The following KCNB2 variants were observed in gnomAD, a reference collection of about 807,000 sequenced individuals.
The protein encoded by KCNB2 is delayed rectifier potassium channel protein.
KCNB2 carries 15 observed loss-of-function variants against 61.5 expected under a neutral mutation model. The ratio of observed to expected loss-of-function variants is 0.24; its 90% CI spans 0.16 to 0.38. The LOEUF is 0.38. KCNB2 is among the 10% of genes least tolerant of loss of function. KCNB2 has a pLI of 1.00. For missense variants in KCNB2, 828 were observed against 1,125.2 expected, an observed-to-expected ratio of 0.74 and a Z score of 3.78; for synonymous variants, 457 against 446.0, an observed-to-expected ratio of 1.02 and a Z score of -0.31.
At chr8:72,648,188 C>CTTTATAGGAGAGAATATAGTGACA (rs1806161021) in intron 2 of KCNB2, among the ~76,000 whole-genome samples, 1 of 152,100 alleles carries the variant, frequency 6.6e-6, no homozygotes, top group African/African-American at 2.4e-5. Context: ...GATGTTATGT[C>CTTTATAGGAGAGAATATAGTGACA]TTTATAGGAG....
chr8:72,936,847 G>A lies in KCNB2; in HGVS notation c.1492G>A (p.Ala498Thr), dbSNP rs1468853200. 1.2e-6 allele frequency: 2 copies of A among 1,614,086 alleles called. No homozygotes were observed. Among genetic ancestry groups the A allele is most frequent in the Non-Finnish European group, 1.7e-6 (2 of 1,180,024 alleles). Residue 498 changes from alanine (A) to threonine (T), a missense_variant, in exon 3 of 3, where the codon GCT becomes ACT. By Grantham distance (58) the Ala-to-Thr change is moderately conservative. Coordinates refer to ENST00000523207, the MANE Select transcript of KCNB2 (RefSeq NM_004770.3). The surrounding 1 kb of genome is among the most constrained non-coding windows in gnomAD (Gnocchi z 5.6). ...AAGCCGGTGGAAGTGGGCCAGGAAGGCTCTGTCGGAAACAAGCTCCAACAA... is the reference window on the plus strand; with the variant it reads ...AAGCCGGTGGAAGTGGGCCAGGAAGACTCTGTCGGAAACAAGCTCCAACAA... ...SPSRWKWARK[A>T]LSETSSNKSF...
chr8:72,583,965 AC>A (rs747891260), intron 2 of KCNB2, among the ~76,000 whole-genome samples: 83 of 147,450 alleles, frequency 5.6e-4, no homozygotes, highest in African/African-American at 1.7e-3. Context: ...AAAAAAAAAA[AC>A]AAACAAAACC....
chr8:72,551,115 A>G (rs1422728650), intron 1 of KCNB2, among the ~76,000 whole-genome samples: 1 of 152,214 alleles, frequency 6.6e-6, no homozygotes, highest in African/African-American at 2.4e-5. Flanking sequence ...TTCTTACGCC[A>G]TCACCAAAGC....
chr8:72,666,039 T>A (rs554807189), intron 2 of KCNB2, among the ~76,000 whole-genome samples: 1 of 152,390 alleles, frequency 6.6e-6, no homozygotes, highest in South Asian at 2.1e-4. Flanking sequence ...GCTCCACTAC[T>A]ATGACCAACT....
At chr8:72,803,746 T>A (rs1809166858) in intron 2 of KCNB2, among the ~76,000 whole-genome samples, 1 of 151,890 alleles carries the variant, frequency 6.6e-6, no homozygotes, top group African/African-American at 2.4e-5. Context: ...TGCAAATGAG[T>A]GAAGAGATGT....
intron 2 of KCNB2, among the ~76,000 whole-genome samples, chr8:72,826,305 T>C (rs2919406): frequency 0.079 from 11,965 of 152,252 alleles, 1,119 homozygotes; most frequent in East Asian, 0.51. Flanking sequence ...AGTCTTCCCG[T>C]AGGATCCCAT....
intron 2 of KCNB2, among the ~76,000 whole-genome samples, chr8:72,896,834 A>G (rs774624882): frequency 1.3e-5 from 2 of 152,152 alleles, no homozygotes; most frequent in African/African-American, 4.8e-5. Flanking sequence ...AGTCATTCAT[A>G]TCTTCAAGCC....
chr8:72,617,208 C>A (rs1354473725), intron 2 of KCNB2, among the ~76,000 whole-genome samples: 1 of 152,116 alleles, frequency 6.6e-6, no homozygotes, highest in Non-Finnish European at 1.5e-5. Context: ...TGCCTGAAAC[C>A]TGTATACTAA....
intron 1 of KCNB2, among the ~76,000 whole-genome samples, chr8:72,565,863 T>C (rs967478840): frequency 6.6e-6 from 1 of 152,200 alleles, no homozygotes; most frequent in Admixed American, 6.5e-5. Context: ...ACTCCTACAC[T>C]GTATAAGCAC....
intron 1 of KCNB2, among the ~76,000 whole-genome samples, chr8:72,564,075 A>C (rs963101272): frequency 1.3e-5 from 2 of 152,206 alleles, no homozygotes; most frequent in African/African-American, 2.4e-5. Context: ...CTCTTATAAT[A>C]GAAAGTTCTT....
chr8:72,851,476 T>A (rs1034810831), intron 2 of KCNB2, among the ~76,000 whole-genome samples: 1 of 152,164 alleles, frequency 6.6e-6, no homozygotes, highest in Non-Finnish European at 1.5e-5. Flanking sequence ...TGACCTTAAG[T>A]CTTTCTAAAG....
At position 72,937,512 on chromosome 8, in the gene KCNB2, T is replaced by A; in HGVS notation, c.2157T>A (p.Phe719Leu). 6.2e-7 allele frequency: 1 copy of A among 1,613,636 alleles called. No homozygotes were observed. The highest frequency in any genetic ancestry group is 8.5e-7 in the Non-Finnish European group (1 of 1,179,968). Residue 719 changes from phenylalanine (F) to leucine (L), a missense_variant, in exon 3 of 3, where the codon TTT (phenylalanine) becomes TTA (leucine). By Grantham distance (22) the Phe-to-Leu change is conservative. This residue lies in a region of KCNB2 where 559 missense variants were observed against 588.4 expected (regional missense o/e 0.95). Coordinates refer to ENST00000523207, the MANE Select transcript of KCNB2 (RefSeq NM_004770.3). The part of the protein sequence containing the change: ...PLKSRSLKVN[F>L]KENRGSAPQT... ...AGTCCAGATCCCTCAAAGTGAACTT[T>A]AAGGAAAATAGAGGCAGTGCACCAC...
chr8:72,744,685 G>A (rs1357066156), intron 2 of KCNB2, among the ~76,000 whole-genome samples: 1 of 152,098 alleles, frequency 6.6e-6, no homozygotes, highest in Non-Finnish European at 1.5e-5. Flanking sequence ...AACTGTCCAT[G>A]CTGAGAAGGA....
In KCNB2 at chr8:72,745,739, C is replaced by G. The variant is rs539009839; in HGVS notation, c.579+177426C>G. ...GAAGGTTGATCTCTGATCTCCAGCC[C>G]CTGCTGCCCTCCCCAGAGATGGAGT... On this transcript the variant is annotated intron_variant, in intron 2 of 2. Transcript: ENST00000523207. Among the ~76,000 whole-genome samples, 20 of 152,148 alleles carry G rather than the reference C, an allele frequency of 1.3e-4. No homozygotes were observed. In the South Asian group the frequency reaches 4.2e-3, roughly 32 times the overall value.
chr8:72,673,133 A>G (rs1037688215), intron 2 of KCNB2, among the ~76,000 whole-genome samples: 3 of 152,254 alleles, frequency 2.0e-5, no homozygotes, highest in African/African-American at 7.2e-5. Context: ...AGGTGAATCC[A>G]CATTATTCAC....
intron 2 of KCNB2, among the ~76,000 whole-genome samples, chr8:72,597,808 A>T (rs1339968431): frequency 6.6e-6 from 1 of 152,176 alleles, no homozygotes; most frequent in Non-Finnish European, 1.5e-5. Flanking sequence ...CCAACCCAAA[A>T]ATGCTAAAAA....
At chr8:72,851,840 A>AACAAAAC (rs1554538998) in intron 2 of KCNB2, among the ~76,000 whole-genome samples, 1 of 134,462 alleles carries the variant, frequency 7.4e-6, no homozygotes, top group African/African-American at 3.0e-5. Flanking sequence ...AAAAAAAAAA[A>AACAAAAC]AAAAAAAACA....
chr8:72,936,793 G>C lies in KCNB2; in HGVS notation c.1438G>C (p.Asp480His), dbSNP rs755044686. The change falls in exon 3 of 3, where the codon GAC becomes CAC. Residue 480 changes from aspartate (D) to histidine (H), a missense_variant. Transcript: ENST00000523207. The surrounding 1 kb of genome is among the most constrained non-coding windows in gnomAD (Gnocchi z 5.6). Reference protein sequence around the residue: ...EKAGESANTKDSADDNHLSPS... With the variant: ...EKAGESANTKHSADDNHLSPS... ...GGCCGGAGAGTCCGCCAACACAAAG[G>C]ACTCCGCCGACGATAATCACCTGTC... 6.2e-7 allele frequency: 1 copy of C among 1,614,154 alleles called. No individual in the cohort carries two copies. The highest frequency in any genetic ancestry group is 1.1e-5 in the South Asian group (1 of 91,084).
chr8:72,571,324 C>T (rs1463085615), intron 2 of KCNB2, among the ~76,000 whole-genome samples: 3 of 152,160 alleles, frequency 2.0e-5, no homozygotes, highest in Admixed American at 2.0e-4. Flanking sequence ...TCCTATGGAA[C>T]ATGTTCCCTG....
Sources: gnomAD v4.1 joint callset for allele counts (sites outside exome capture counted in the v4.1 genomes callset) on GRCh38, gnomAD v4.1.1 for gene constraint, gnomAD v4.1.1 regional missense constraint, Gnocchi (gnomAD v3.1) non-coding constraint, MANE v1.5 for transcripts, NCBI Gene and HGNC (gene_info 2026-07-23, HGNC 2026-07-21) for gene names.